Variants in AURKA observed in about 807,000 individuals in gnomAD.
AURKA encodes aurora 2.
Under a neutral mutation model 40.9 loss-of-function variants are expected in AURKA, and 12 were observed. The ratio of observed to expected loss-of-function variants is 0.29; its 90% CI spans 0.19 to 0.48. The LOEUF (loss-of-function observed/expected upper bound fraction) is 0.48. Ranked by LOEUF, AURKA falls within the 20% of genes least tolerant of loss-of-function variation. The pLI is 0.99. For missense variants in AURKA, 322 were observed against 462.1 expected (o/e 0.70, Z 2.78); for synonymous variants, 170 against 164.3 (o/e 1.03, Z -0.26).
intron 6 of AURKA, among the ~76,000 whole-genome samples, chr20:56,377,770 A>T (rs994827894): frequency 2.0e-5 from 3 of 152,258 alleles, no homozygotes; most frequent in Admixed American, 2.0e-4. Context: ...CTGGTGACAG[A>T]GCGAGACTCC....
Position 56,369,688 on chromosome 20 carries a change from A to G in AURKA, c.*470T>C, listed in dbSNP as rs908940135. 5.9e-6 allele frequency: 2 copies of G among 338,910 alleles called. No individual in the cohort carries two copies. The highest frequency in any genetic ancestry group is 1.1e-5 in the Non-Finnish European group (2 of 180,772). The allele number at this position is 338,910 out of a possible 1,614,324, so 21.0% of individuals were successfully genotyped here. ...AGTCTGTACATATATCTTTATTTTC[A>G]TACTTAAAAAGAATCACATACTCAT... On this transcript the variant is annotated 3_prime_UTR_variant, in exon 9 of 9. Transcript: ENST00000395915.
intron 7 of AURKA, among the ~76,000 whole-genome samples, chr20:56,371,722 TTC>T (rs899636763): frequency 2.0e-5 from 3 of 150,652 alleles, no homozygotes; most frequent in African/African-American, 7.3e-5. Context: ...TTTGGTTGAG[TTC>T]TGATTTTACA....
chr20:56,382,120 C>T (rs909994734), intron 5 of AURKA, among the ~76,000 whole-genome samples: 30 of 150,584 alleles, frequency 2.0e-4, no homozygotes, highest in African/African-American at 6.1e-4. Context: ...GCTGAGATTG[C>T]GCCACTGCAC....
In AURKA at chr20:56,373,025, T is replaced by C. The variant is rs1984472755; in HGVS notation, c.854+383A>G. Among the ~76,000 whole-genome samples, 1 of 152,222 alleles carries C rather than the reference T, an allele frequency of 6.6e-6. No individual in the cohort carries two copies. The highest frequency in any genetic ancestry group is 2.4e-5 in the African/African-American group (1 of 41,456). ...CTGAGCTCTAGATCTTTGTCAGTGC[T>C]GTCCTCTGAACCATCTCCCCATCTC... On this transcript the variant is annotated intron_variant, in intron 7 of 8. Coordinates refer to ENST00000395915, the MANE Select transcript of AURKA (RefSeq NM_198437.3). The surrounding 1 kb of genome is among the most constrained non-coding windows in gnomAD (Gnocchi z 5.0).
intron 7 of AURKA, among the ~76,000 whole-genome samples, chr20:56,371,743 A>C (rs1251581181): frequency 6.6e-6 from 1 of 152,120 alleles, no homozygotes; most frequent in East Asian, 1.9e-4. Context: ...CAAACCAGCT[A>C]TAAGATGTCA....
chr20:56,377,474 A>C (rs1269904690), intron 6 of AURKA, among the ~76,000 whole-genome samples: 2 of 152,248 alleles, frequency 1.3e-5, no homozygotes, highest in South Asian at 4.1e-4. Flanking sequence ...GACGATACAC[A>C]GATGGCAAAT....
intron 1 of AURKA, chr20:56,388,716 G>A (rs185550637): frequency 1.2e-5 from 2 of 169,346 alleles, no homozygotes; most frequent in Admixed American, 1.2e-4. Context: ...GGAGGCTGAG[G>A]CAGGAGAATC....
chr20:56,384,007 G>A (rs994563914), intron 4 of AURKA, among the ~76,000 whole-genome samples: 1 of 152,166 alleles, frequency 6.6e-6, no homozygotes, highest in Non-Finnish European at 1.5e-5. Flanking sequence ...AGGACAGAGA[G>A]GAACTTCCAC....
chr20:56,370,079 G>A lies in AURKA; in HGVS notation c.*79C>T. ...TCTAGATTGAGGGCAGCAGTCAATGGTAAAATAAACTTCAGTAGCATGTTC... is the reference window on the plus strand; with the variant it reads ...TCTAGATTGAGGGCAGCAGTCAATGATAAAATAAACTTCAGTAGCATGTTC... On this transcript the variant is annotated 3_prime_UTR_variant, in exon 9 of 9. Transcript: ENST00000395915. 6.5e-7 allele frequency: 1 copy of A among 1,549,418 alleles called. No individual in the cohort carries two copies. The highest frequency in any genetic ancestry group is 8.9e-7 in the Non-Finnish European group (1 of 1,123,730).
At position 56,373,594 on chromosome 20, in the gene AURKA, T is replaced by C; in HGVS notation, c.706-38A>G. On this transcript the variant is annotated intron_variant, in intron 6 of 8. Transcript: ENST00000395915. The surrounding 1 kb of genome is among the most constrained non-coding windows in gnomAD (Gnocchi z 5.0). Reference sequence around the variant, plus strand: ...TATTGAAAGCCTATGTTTTAGATTTTATATAACACAAGTTAATATTAGACA... The same window carrying C: ...TATTGAAAGCCTATGTTTTAGATTTCATATAACACAAGTTAATATTAGACA... 1.3e-6 allele frequency: 2 copies of C among 1,599,508 alleles called. No homozygotes were observed. The highest frequency in any genetic ancestry group is 1.1e-5 in the South Asian group (1 of 90,738).
At chr20:56,387,214 C>T (rs908490105) in intron 2 of AURKA, among the ~76,000 whole-genome samples, 3 of 152,122 alleles carry the variant, frequency 2.0e-5, no homozygotes, top group Non-Finnish European at 4.4e-5. Flanking sequence ...AGTGCAGTGG[C>T]ATGATCTCGG....
In AURKA at chr20:56,387,983, C is replaced by A. The variant is rs114450445; in HGVS notation, c.42+173G>T. Among the ~76,000 whole-genome samples the A allele has an allele frequency of 8.7e-3, 1,051 of 120,778 alleles. 13 individuals carry two copies. Among genetic ancestry groups the A allele is most frequent in the African/African-American group, 0.03 (998 of 33,800 alleles). 79.2% of individuals were successfully genotyped at this position (120,778 alleles called of 152,430 possible). On this transcript the variant is annotated intron_variant, in intron 2 of 8. Coordinates refer to ENST00000395915, the MANE Select transcript of AURKA (RefSeq NM_198437.3). ...AAGACAAAGCAGAACAAAAAAGCTA[C>A]TCTAAGAAGCAGCAAAATGTTACTG...
intron 1 of AURKA, among the ~76,000 whole-genome samples, chr20:56,391,438 C>T (rs1987100064): frequency 6.6e-6 from 1 of 152,180 alleles, no homozygotes; most frequent in Admixed American, 6.5e-5. Context: ...TTTGTATGCA[C>T]CGGTCTGCAT....
intron 5 of AURKA, 97 bp downstream of exon 5, chr20:56,382,888 G>C (rs1400857893): frequency 7.6e-7 from 1 of 1,319,256 alleles, no homozygotes; most frequent in Non-Finnish European, 1.1e-6. Flanking sequence ...TCGTAAGAGG[G>C]AGTGAAGGGA....
intron 2 of AURKA, among the ~76,000 whole-genome samples, chr20:56,387,910 T>C (rs1328479230): frequency 6.6e-6 from 1 of 152,214 alleles, no homozygotes; most frequent in Non-Finnish European, 1.5e-5. Flanking sequence ...ATTATTACTA[T>C]TATCCTGCAT....
intron 1 of AURKA, 29 bp from the exon 2 acceptor site, chr20:56,388,231 T>A: frequency 9.4e-7 from 1 of 1,061,664 alleles, no homozygotes; most frequent in Non-Finnish European, 1.1e-6. Flanking sequence ...ACCTTTAATT[T>A]GAACAAAGCC....
intron 5 of AURKA, among the ~76,000 whole-genome samples, chr20:56,381,833 G>C (rs1488070743): frequency 2.0e-5 from 3 of 152,082 alleles, no homozygotes; most frequent in Non-Finnish European, 2.9e-5. Flanking sequence ...TTTATTCTTA[G>C]GAGGAAAATT....
At chr20:56,391,291 G>A (rs902623403) in intron 1 of AURKA, among the ~76,000 whole-genome samples, 3 of 152,250 alleles carry the variant, frequency 2.0e-5, no homozygotes, top group Non-Finnish European at 4.4e-5. Flanking sequence ...GGAAGGTTAC[G>A]GAAGAGGAAG....
At chr20:56,383,983 A>G (rs1340666797) in intron 4 of AURKA, among the ~76,000 whole-genome samples, 1 of 152,252 alleles carries the variant, frequency 6.6e-6, no homozygotes, top group East Asian at 1.9e-4. Context: ...AACCATATGT[A>G]GTGGTTATTT....
Sources: allele counts gnomAD v4.1 joint callset (sites outside exome capture counted in the v4.1 genomes callset), GRCh38; gene constraint gnomAD v4.1.1; non-coding constraint Gnocchi (gnomAD v3.1); transcripts MANE v1.5; gene names NCBI Gene and HGNC (gene_info 2026-07-23, HGNC 2026-07-21).